The following HEPH variants were observed in gnomAD, a reference collection of about 807,000 sequenced individuals.
HEPH encodes hephaestin.
In HEPH, 69 loss-of-function variants were observed where a neutral mutation model predicts 80.8. The observed-to-expected ratio is 0.85, with a 90% CI of 0.70 to 1.04. The LOEUF is 1.04. Among genes scored for constraint, HEPH ranks in the 50% least tolerant of loss-of-function variants. The pLI is 0.00. For synonymous variants in HEPH, 431 were observed against 322.8 expected (o/e 1.34, Z -3.60); for missense variants, 1,115 against 891.3 (o/e 1.25, Z -3.20).
chrX:66,164,590 G>T (rs1054311654), intron 1 of HEPH, 120 bp downstream of exon 1: 13 of 437,947 alleles, frequency 3.0e-5, no homozygotes, highest in Middle Eastern at 1.4e-3. Context: ...TGGCCAAAAA[G>T]TTGGAGGAGG....
chrX:66,186,095 G>T (rs1424386590), intron 4 of HEPH, among the ~76,000 whole-genome samples: 4 of 42,848 alleles, frequency 9.3e-5, no homozygotes, highest in Non-Finnish European at 1.6e-4. Flanking sequence ...GAGAACCACT[G>T]CTCTCTTCAA....
chrX:66,196,388 T>G (rs1439165515), intron 9 of HEPH, among the ~76,000 whole-genome samples: 1 of 111,664 alleles, frequency 9.0e-6, no homozygotes, highest in Non-Finnish European at 1.9e-5. Context: ...TTTTAAAGTT[T>G]TCTGTATATT....
intron 4 of HEPH, among the ~76,000 whole-genome samples, chrX:66,178,711 T>C (rs1471296261): frequency 8.9e-6 from 1 of 112,680 alleles, no homozygotes; most frequent in East Asian, 2.8e-4. Flanking sequence ...ATGAGCATTT[T>C]TTCATGTGTC....
intron 15 of HEPH, among the ~76,000 whole-genome samples, chrX:66,220,518 G>A (rs2089599233): frequency 9.0e-6 from 1 of 111,552 alleles, no homozygotes; most frequent in African/African-American, 3.3e-5. Flanking sequence ...TCTGAAGGTG[G>A]ACAGCATCCT....
At chrX:66,263,978 A>T (rs1329318863) in intron 20 of HEPH, among the ~76,000 whole-genome samples, 1 of 110,407 alleles carries the variant, frequency 9.1e-6, no homozygotes, top group Admixed American at 9.8e-5. Context: ...GTGAGGGGGG[A>T]AGTAAATTCT....
chrX:66,178,649 G>A (rs1261057505), intron 4 of HEPH, among the ~76,000 whole-genome samples: 1 of 111,588 alleles, frequency 9.0e-6, no homozygotes, highest in Non-Finnish European at 1.9e-5. Flanking sequence ...AACTGGTGTG[G>A]GATGGTATCT....
At chrX:66,190,566 G>T (rs2087736063) in intron 6 of HEPH, among the ~76,000 whole-genome samples, 1 of 111,779 alleles carries the variant, frequency 8.9e-6, no homozygotes, top group African/African-American at 3.3e-5. Flanking sequence ...ACTTTAGACA[G>T]GTGTCTTTCC....
At chrX:66,236,994 T>C (rs1229355925) in intron 15 of HEPH, among the ~76,000 whole-genome samples, 1 of 111,607 alleles carries the variant, frequency 9.0e-6, no homozygotes, top group Non-Finnish European at 1.9e-5. Flanking sequence ...ATTGTGTTTA[T>C]TTGGATATTC....
intron 3 of HEPH, 21 bp from the exon 4 acceptor site, chrX:66,173,568 C>T: frequency 1.8e-6 from 2 of 1,140,947 alleles, no homozygotes; most frequent in Non-Finnish European, 2.4e-6. Flanking sequence ...TGGGCCTGTG[C>T]ATGTACAATT....
rs189528731 is a variant in HEPH, at chrX:66,188,105, T to C, written c.626-254T>C. On this transcript the variant is annotated intron_variant, in intron 4 of 20. Transcript: ENST00000343002. ...AGGTTCAGGCCCTGGGTTGAAGACA[T>C]AGGCAGGGATGGTAGGAGGGAATTA... Among the ~76,000 whole-genome samples the C allele has an allele frequency of 1.6e-3, 176 of 111,350 alleles. 1 individual carries two copies. The highest frequency in any genetic ancestry group is 5.5e-3 in the African/African-American group (169 of 30,666).
chrX:66,266,806 G>A lies in HEPH; in HGVS notation c.*134G>A, dbSNP rs183590824. On this transcript the variant is annotated 3_prime_UTR_variant, in exon 21 of 21. Coordinates refer to ENST00000343002, the MANE Select transcript of HEPH (RefSeq NM_001367233.3). ...CAGAAGGAGCAATCAAGCTTATCTGGATATTTCTTTCTTTATTTATTTTAC... is the reference window on the plus strand; with the variant it reads ...CAGAAGGAGCAATCAAGCTTATCTGAATATTTCTTTCTTTATTTATTTTAC... 90 of 433,759 alleles carry A rather than the reference G, an allele frequency of 2.1e-4. No homozygotes were observed. The highest frequency in any genetic ancestry group is 2.1e-3 in the African/African-American group (83 of 40,166). The allele number at this position is 433,759 out of a possible 1,213,427, so 35.7% of individuals were successfully genotyped here.
chrX:66,248,865 A>G (rs906189170), intron 15 of HEPH, among the ~76,000 whole-genome samples: 3 of 111,701 alleles, frequency 2.7e-5, no homozygotes. Context: ...TCCTCCTTGG[A>G]TAGAGGGGAC....
intron 20 of HEPH, among the ~76,000 whole-genome samples, chrX:66,264,707 G>T (rs2091476482): frequency 9.2e-6 from 1 of 108,154 alleles, no homozygotes; most frequent in Non-Finnish European, 1.9e-5. Context: ...ACCAGGATAT[G>T]TCCTGGAGGG....
intron 7 of HEPH, among the ~76,000 whole-genome samples, chrX:66,192,795 T>C (rs1012165530): frequency 5.4e-5 from 6 of 111,336 alleles, no homozygotes; most frequent in Non-Finnish European, 9.4e-5. Context: ...TTTGAAGGAA[T>C]TTCTCCAAGT....
At chrX:66,250,096 C>T (rs1300050247) in intron 15 of HEPH, among the ~76,000 whole-genome samples, 1 of 111,308 alleles carries the variant, frequency 9.0e-6, no homozygotes, top group Non-Finnish European at 1.9e-5. Context: ...GGACATAGCA[C>T]TTATCCCACC....
At chrX:66,253,587 C>G in intron 15 of HEPH, among the ~76,000 whole-genome samples, 1 of 111,608 alleles carries the variant, frequency 9.0e-6, no homozygotes. Context: ...CATAGCATTA[C>G]CATACAACTC....
At chrX:66,262,216 A>G (rs769155300) in intron 19 of HEPH, among the ~76,000 whole-genome samples, 39 of 112,556 alleles carry the variant, frequency 3.5e-4, no homozygotes, top group Middle Eastern at 9.2e-3. Context: ...AATTTTTGGA[A>G]CAAGGTTTCT....
chrX:66,189,643 C>T (rs984592320), intron 5 of HEPH, 41 bp from the exon 6 acceptor site: 1 of 1,186,180 alleles, frequency 8.4e-7, no homozygotes, highest in Non-Finnish European at 1.1e-6. Flanking sequence ...TTTGGCTGTC[C>T]TTTCCTAATC....
chrX:66,198,248 C>A (rs1467287780), intron 10 of HEPH, among the ~76,000 whole-genome samples: 1 of 104,456 alleles, frequency 9.6e-6, no homozygotes, highest in Non-Finnish European at 1.9e-5. Context: ...ATCCATAAAT[C>A]TGCTTTAATA....
Sources: allele counts gnomAD v4.1 joint callset (sites outside exome capture counted in the v4.1 genomes callset), GRCh38; gene constraint gnomAD v4.1.1; transcripts MANE v1.5; gene names NCBI Gene and HGNC (gene_info 2026-07-23, HGNC 2026-07-21).